Variants in COL25A1 observed in about 807,000 individuals in gnomAD.
COL25A1 encodes the protein collagen alpha-1(XXV) chain.
Under a neutral mutation model 128.4 loss-of-function variants are expected in COL25A1, and 103 were observed. The observed-to-expected ratio is 0.80, with a 90% CI of 0.68 to 0.94. COL25A1 has a LOEUF of 0.94. Ranked by LOEUF, COL25A1 falls within the 40% of genes least tolerant of loss-of-function variation. The probability of loss-of-function intolerance (pLI) is 0.00; values close to 1 mark genes in which losing one functional copy is unlikely to be tolerated. For missense variants in COL25A1, 745 were observed against 840.0 expected, an observed-to-expected ratio of 0.89 and a Z score of 1.40; for synonymous variants, 279 against 277.2, an observed-to-expected ratio of 1.01 and a Z score of -0.06.
At chr4:108,952,915 T>C (rs547806473) in intron 8 of COL25A1, among the ~76,000 whole-genome samples, 3 of 148,608 alleles carry the variant, frequency 2.0e-5, no homozygotes, top group Non-Finnish European at 4.5e-5. Flanking sequence ...GGGAACTCTA[T>C]TCAGTACTCT....
intron 24 of COL25A1, 44 bp from the exon 25 acceptor site, chr4:108,852,969 T>C: frequency 1.3e-6 from 2 of 1,554,344 alleles, no homozygotes. Flanking sequence ...ATCTATTTTG[T>C]GTGCCAAAGT....
chr4:109,087,429 C>T (rs1579322963), intron 3 of COL25A1, among the ~76,000 whole-genome samples: 1 of 152,136 alleles, frequency 6.6e-6, no homozygotes, highest in African/African-American at 2.4e-5. Context: ...ATGGAAATGC[C>T]ACGGCCTAAC....
At chr4:109,241,347 T>C (rs1560917755) in intron 3 of COL25A1, among the ~76,000 whole-genome samples, 1 of 152,092 alleles carries the variant, frequency 6.6e-6, no homozygotes, top group Non-Finnish European at 1.5e-5. Context: ...CCTCTTTCTT[T>C]CCAAAATGTC....
intron 11 of COL25A1, among the ~76,000 whole-genome samples, chr4:108,933,093 T>C (rs1342645163): frequency 4.6e-5 from 7 of 152,232 alleles, no homozygotes; most frequent in Non-Finnish European, 1.0e-4. Flanking sequence ...TATTCTATCA[T>C]AGATGCTGTT....
chr4:108,921,838 T>G (rs376531561), intron 11 of COL25A1, among the ~76,000 whole-genome samples: 1 of 152,198 alleles, frequency 6.6e-6, no homozygotes, highest in African/African-American at 2.4e-5. Flanking sequence ...GAGCTTGTTA[T>G]TTGGTTTATC....
intron 19 of COL25A1, among the ~76,000 whole-genome samples, chr4:108,875,604 A>G (rs1739351922): frequency 6.6e-6 from 1 of 152,178 alleles, no homozygotes; most frequent in Non-Finnish European, 1.5e-5. Flanking sequence ...ATGCTTTTAC[A>G]CTGTTGGTGG....
At chr4:109,043,054 T>C (rs1473461101) in intron 5 of COL25A1, among the ~76,000 whole-genome samples, 1 of 152,068 alleles carries the variant, frequency 6.6e-6, no homozygotes, top group African/African-American at 2.4e-5. Context: ...GGTTTATATT[T>C]CAGTTCTGTC....
intron 3 of COL25A1, among the ~76,000 whole-genome samples, chr4:109,168,126 G>A (rs559121400): frequency 2.6e-5 from 4 of 152,256 alleles, no homozygotes; most frequent in African/African-American, 9.6e-5. Flanking sequence ...ACAAGGTTCT[G>A]CATCTTGATG....
Position 108,813,647 on chromosome 4 carries a change from AATCATT to A in COL25A1, c.*274_*279del. ...AAGAAGGAAAATAGCTAGTACAATC[AATCATT>A]CTCTACCACTGATTTGTCCATATAA... On this transcript the variant is annotated 3_prime_UTR_variant, in exon 38 of 38. Coordinates refer to ENST00000399132, the MANE Select transcript of COL25A1 (RefSeq NM_198721.4). 1 of 353,868 alleles carries A rather than the reference AATCATT, an allele frequency of 2.8e-6. No individual in the cohort carries two copies. The highest frequency in any genetic ancestry group is 5.2e-6 in the Non-Finnish European group (1 of 193,736). 21.9% of individuals were successfully genotyped at this position (353,868 alleles called of 1,614,324 possible).
chr4:109,099,890 C>T (rs1323245413), intron 3 of COL25A1, among the ~76,000 whole-genome samples: 1 of 152,112 alleles, frequency 6.6e-6, no homozygotes, highest in Non-Finnish European at 1.5e-5. Flanking sequence ...GGACAGCCAT[C>T]TTTCAATCAA....
chr4:108,829,236 C>A (rs536304626), intron 32 of COL25A1, among the ~76,000 whole-genome samples: 5 of 152,052 alleles, frequency 3.3e-5, no homozygotes, highest in Non-Finnish European at 7.4e-5. Flanking sequence ...AAAGGACGGG[C>A]GCAGTGGCTT....
chr4:109,065,106 G>A (rs936051703), intron 3 of COL25A1, among the ~76,000 whole-genome samples: 16 of 152,146 alleles, frequency 1.1e-4, no homozygotes, highest in East Asian at 7.7e-4. Flanking sequence ...CTAGCCCCTC[G>A]GACTGGACTG....
At chr4:109,280,404 C>G (rs1723262129) in intron 3 of COL25A1, among the ~76,000 whole-genome samples, 2 of 152,118 alleles carry the variant, frequency 1.3e-5, no homozygotes, top group African/African-American at 2.4e-5. Context: ...TAAGGAATAG[C>G]AGACAAGTGA....
rs116609306 is a variant in COL25A1, at chr4:108,986,253, G to C, written c.439-11694C>G. On this transcript the variant is annotated intron_variant, in intron 6 of 37. Transcript: ENST00000399132. ...ACATTGCTGAGCATATCATTCCTCA[G>C]CTCAAAGAACTTCAGGGGCCCATTT... Among the ~76,000 whole-genome samples, 1,157 of 152,160 alleles carry C rather than the reference G, an allele frequency of 7.6e-3. 4 individuals carry two copies. Among genetic ancestry groups the C allele is most frequent in the Non-Finnish European group, 0.011 (772 of 68,002 alleles).
chr4:109,267,093 C>A (rs967347286), intron 3 of COL25A1, among the ~76,000 whole-genome samples: 18 of 152,130 alleles, frequency 1.2e-4, no homozygotes, highest in African/African-American at 4.3e-4. Flanking sequence ...CAGCATGCAG[C>A]CCTTTCTCTG....
chr4:109,234,144 T>C (rs913858870), intron 3 of COL25A1, among the ~76,000 whole-genome samples: 7 of 152,252 alleles, frequency 4.6e-5, no homozygotes, highest in Admixed American at 3.9e-4. Flanking sequence ...ATTAATTTTT[T>C]CCATGGTAAA....
In COL25A1 at chr4:108,893,633, G is replaced by GAA. The variant is rs533412629; in HGVS notation, c.906+3032_906+3033dup. On this transcript the variant is annotated intron_variant, in intron 16 of 37. Coordinates refer to ENST00000399132, the MANE Select transcript of COL25A1 (RefSeq NM_198721.4). Reference sequence around the variant, plus strand: ...CAAAGGCGCTGAGTTGAATCAAAAGGAAAAAAAAATCCTATTAAAGTCAAT... The same window carrying GAA: ...CAAAGGCGCTGAGTTGAATCAAAAGGAAAAAAAAAAATCCTATTAAAGTCAAT... 2.3e-3 allele frequency among the ~76,000 whole-genome samples: 351 copies of GAA among 149,832 alleles called. 3 individuals carry two copies. The highest frequency in any genetic ancestry group is 8.3e-3 in the African/African-American group (338 of 40,932).
chr4:109,284,514 T>C (rs1186508234), intron 3 of COL25A1, among the ~76,000 whole-genome samples: 1 of 152,190 alleles, frequency 6.6e-6, no homozygotes, highest in Non-Finnish European at 1.5e-5. Context: ...ATTAAGTAAA[T>C]GGATCACTGT....
At position 109,104,987 on chromosome 4, in the gene COL25A1, G is replaced by C. The variant is rs1017854858; in HGVS notation, c.368-54808C>G. 7.9e-5 allele frequency among the ~76,000 whole-genome samples: 12 copies of C among 152,136 alleles called. No homozygotes were observed. The South Asian group carries it at 1.7e-3, about 21-fold the overall frequency. On this transcript the variant is annotated intron_variant, in intron 3 of 37. Coordinates refer to ENST00000399132, the MANE Select transcript of COL25A1 (RefSeq NM_198721.4). ...GGTAAATAAAGTCCTAATTCTTACA[G>C]ATAAATATTGAAATGCCTGCATATG...
Sources: gnomAD v4.1 joint callset for allele counts (sites outside exome capture counted in the v4.1 genomes callset) on GRCh38, gnomAD v4.1.1 for gene constraint, MANE v1.5 for transcripts, NCBI Gene and HGNC (gene_info 2026-07-23, HGNC 2026-07-21) for gene names.